HIPK2: variants seen among roughly 807,000 people sequenced by gnomAD.
HIPK2 encodes the protein homeodomain interacting protein kinase 2, also known as homeodomain-interacting protein kinase 2.
In HIPK2, 27 loss-of-function variants were observed where a neutral mutation model predicts 113.7. The ratio of observed to expected loss-of-function variants is 0.24; its 90% confidence interval spans 0.17 to 0.33. The LOEUF is 0.33. HIPK2 is among the 10% of genes least tolerant of loss of function. The probability of loss-of-function intolerance (pLI) is 1.00; values close to 1 mark genes in which losing one functional copy is unlikely to be tolerated. For missense variants in HIPK2, 1,257 were observed against 1,588.0 expected, an observed-to-expected ratio of 0.79 and a Z score of 3.54; for synonymous variants, 631 against 642.2, an observed-to-expected ratio of 0.98 and a Z score of 0.26.
chr7:139,596,966 T>C lies in HIPK2; in HGVS notation c.2468A>G (p.Gln823Arg). The C allele has an allele frequency of 6.2e-7, 1 of 1,603,670 alleles. No individual in the cohort carries two copies. Among genetic ancestry groups the C allele is most frequent in the Admixed American group, 1.7e-5 (1 of 59,876 alleles). The change falls in exon 12 of 15, where the codon CAG becomes CGG. Residue 823 changes from glutamine to arginine, a missense_variant. Physicochemically the swap from Gln to Arg is conservative, Grantham distance 43. Around this residue, in one of 5 missense-constraint regions of HIPK2, gnomAD observed 862 missense variants for 1,004.3 expected, o/e 0.86. Transcript: ENST00000406875. ...GGATCGCTGTGGGGAGCTGATGGCC[T>C]GAGAGGAGGACACCTCACAGGTGGA... Reference protein sequence around the residue: ...NVSTCEVSSSQAISSPQRSKR... With the variant: ...NVSTCEVSSSRAISSPQRSKR...
rs1274439157 is a variant in HIPK2, at chr7:139,614,400, A to G, written c.1876T>C (p.Ser626Pro). The G allele has an allele frequency of 1.3e-6, 2 of 1,576,414 alleles. No homozygotes were observed. Among genetic ancestry groups the G allele is most frequent in the African/African-American group, 1.4e-5 (1 of 73,888 alleles). The change falls in exon 8 of 15, where the codon TCC becomes CCC. Residue 626 changes from serine (S) to proline (P), a missense_variant. By Grantham distance (74) the Ser-to-Pro change is moderately conservative (BLOSUM62 -1). Coordinates refer to ENST00000406875, the MANE Select transcript of HIPK2 (RefSeq NM_022740.5). Reference protein sequence around the residue: ...PSTLYQPSAASMAAVAQRSMP... With the variant: ...PSTLYQPSAAPMAAVAQRSMP... ...CTCCGCTGGGCCACTGCAGCCATGG[A>G]TGCCGCTGAGGGCTGGTAGAGTGTA... is the stretch of plus-strand genomic sequence containing the variant.
intron 2 of HIPK2, among the ~76,000 whole-genome samples, chr7:139,655,301 G>C (rs1801624706): frequency 6.6e-6 from 1 of 152,250 alleles, no homozygotes; most frequent in African/African-American, 2.4e-5. Flanking sequence ...AGCGAAGCTA[G>C]TTATGATAAA....
intron 6 of HIPK2, among the ~76,000 whole-genome samples, chr7:139,625,988 T>C (rs1800413107): frequency 6.6e-6 from 1 of 152,190 alleles, no homozygotes; most frequent in South Asian, 2.1e-4. Context: ...CCTGCACAGA[T>C]ACCCAGAGTC....
chr7:139,732,794 A>AAT (rs1046727894), intron 1 of HIPK2, among the ~76,000 whole-genome samples: 1 of 144,482 alleles, frequency 6.9e-6, no homozygotes, highest in African/African-American at 2.6e-5. Context: ...TATAACATAT[A>AAT]ATATATATAA....
At chr7:139,643,696 G>C (rs2116399470) in intron 2 of HIPK2, among the ~76,000 whole-genome samples, 1 of 151,994 alleles carries the variant, frequency 6.6e-6, no homozygotes, top group South Asian at 2.1e-4. Context: ...GACTTGACTT[G>C]GTGAAATAAG....
intron 2 of HIPK2, among the ~76,000 whole-genome samples, chr7:139,678,952 GCTCT>G (rs1449516527): frequency 2.0e-5 from 3 of 152,000 alleles, no homozygotes; most frequent in Non-Finnish European, 2.9e-5. Context: ...TCATGATTTG[GCTCT>G]CTGTTTGTCT....
intron 7 of HIPK2, among the ~76,000 whole-genome samples, chr7:139,620,093 A>G (rs140243903): frequency 1.3e-3 from 199 of 152,198 alleles, no homozygotes; most frequent in Admixed American, 2.7e-3. Flanking sequence ...GGCACATATC[A>G]GGCATAAAAG....
intron 2 of HIPK2, among the ~76,000 whole-genome samples, chr7:139,684,396 T>C (rs1027887413): frequency 1.3e-5 from 2 of 152,166 alleles, no homozygotes; most frequent in Admixed American, 6.5e-5. Flanking sequence ...CTAGTAATGA[T>C]TGAGCTTAGT....
intron 2 of HIPK2, among the ~76,000 whole-genome samples, chr7:139,660,569 C>T (rs1401611604): frequency 6.6e-6 from 1 of 152,222 alleles, no homozygotes; most frequent in Middle Eastern, 3.2e-3. Flanking sequence ...CTGTTATTGC[C>T]ATATGGCCTG....
intron 11 of HIPK2, 47 bp downstream of exon 11, chr7:139,600,370 C>T (rs750539410): frequency 6.9e-6 from 11 of 1,587,414 alleles, no homozygotes; most frequent in East Asian, 2.2e-5. Context: ...CTTTAGCACT[C>T]ACATCCCCTG....
intron 2 of HIPK2, among the ~76,000 whole-genome samples, chr7:139,670,613 AAAT>A (rs1443658101): frequency 3.3e-5 from 5 of 151,664 alleles, no homozygotes; most frequent in African/African-American, 9.7e-5. Context: ...AGTGAAGGAA[AAAT>A]AAAAAAAAAT....
chr7:139,770,744 T>C (rs1185475062), intron 1 of HIPK2, among the ~76,000 whole-genome samples: 6 of 152,230 alleles, frequency 3.9e-5, no homozygotes, highest in African/African-American at 1.4e-4. Flanking sequence ...TGCAGAAGAA[T>C]TGATCAATCT....
At chr7:139,699,428 G>A (rs892508568) in intron 2 of HIPK2, among the ~76,000 whole-genome samples, 12 of 152,176 alleles carry the variant, frequency 7.9e-5, no homozygotes, top group East Asian at 7.7e-4. Context: ...CTCCCTCCCC[G>A]CCTCCTCTTT....
chr7:139,574,105 C>T (rs900334089), intron 14 of HIPK2, among the ~76,000 whole-genome samples: 1 of 152,142 alleles, frequency 6.6e-6, no homozygotes, highest in African/African-American at 2.4e-5. Flanking sequence ...GGACTACAGG[C>T]GTGAGCCACC....
At chr7:139,663,950 C>T (rs1801955135) in intron 2 of HIPK2, among the ~76,000 whole-genome samples, 1 of 152,200 alleles carries the variant, frequency 6.6e-6, no homozygotes, top group African/African-American at 2.4e-5. Context: ...CCAGTGTCCA[C>T]ATACAGGGTG....
intron 2 of HIPK2, among the ~76,000 whole-genome samples, chr7:139,649,589 G>A (rs1308215076): frequency 3.9e-5 from 6 of 152,040 alleles, no homozygotes; most frequent in Non-Finnish European, 7.4e-5. Context: ...ATTCGGGGGG[G>A]TGGTTTGGAA....
chr7:139,629,167 A>G, intron 4 of HIPK2, 128 bp from the exon 5 acceptor site: 1 of 707,886 alleles, frequency 1.4e-6, no homozygotes. Context: ...TTGATTCTTC[A>G]ATGACCTGCA....
chr7:139,625,962 T>C (rs1393818542), intron 6 of HIPK2, among the ~76,000 whole-genome samples: 1 of 152,172 alleles, frequency 6.6e-6, no homozygotes, highest in Non-Finnish European at 1.5e-5. Context: ...AGACTACCGT[T>C]TCGGGCACCT....
chr7:139,631,840 C>T lies in HIPK2; in HGVS notation c.1104-115G>A. The T allele has an allele frequency of 7.6e-7, 1 of 1,321,736 alleles. No individual in the cohort carries two copies. Among genetic ancestry groups the T allele is most frequent in the Non-Finnish European group, 1.0e-6 (1 of 984,616 alleles). The allele number at this position is 1,321,736 out of a possible 1,614,324, so 81.9% of individuals were successfully genotyped here. A position where few individuals can be genotyped will look rare whatever the true frequency, so the allele number is the denominator to read the frequency against. The stretch of plus-strand genomic sequence containing the variant: ...CATTACTGACTCCTCCTCTGAAGGG[C>T]CTGTGGCTCTCAGGAGAGGCGCTGT... On this transcript the variant is annotated intron_variant, in intron 2 of 14. Transcript: ENST00000406875. The surrounding 1 kb of genome is among the most constrained non-coding windows in gnomAD (Gnocchi z 4.9).
Sources: allele counts gnomAD v4.1 joint callset (sites outside exome capture counted in the v4.1 genomes callset), GRCh38; gene constraint gnomAD v4.1.1; regional missense constraint gnomAD v4.1.1; non-coding constraint Gnocchi (gnomAD v3.1); transcripts MANE v1.5; gene names NCBI Gene and HGNC (gene_info 2026-07-23, HGNC 2026-07-21).